Variants in DLG2 observed in about 807,000 individuals in gnomAD.
DLG2 encodes discs large MAGUK scaffold protein 2.
Under a neutral mutation model 132.5 loss-of-function variants are expected in DLG2, and 45 were observed. That is an observed-to-expected ratio of 0.34 (90% CI 0.27 to 0.44). DLG2 has a LOEUF of 0.44. DLG2 is among the 20% of genes least tolerant of loss of function. The pLI is 1.00. For synonymous variants in DLG2, 424 were observed against 419.6 expected, an observed-to-expected ratio of 1.01 and a Z score of -0.13; for missense variants, 1,045 against 1,196.9, an observed-to-expected ratio of 0.87 and a Z score of 1.87.
intron 6 of DLG2, among the ~76,000 whole-genome samples, chr11:84,830,081 A>G (rs2078835315): frequency 6.6e-6 from 1 of 151,622 alleles, no homozygotes; most frequent in Admixed American, 6.6e-5. Context: ...AACATTAATT[A>G]CTACCATGTA....
intron 3 of DLG2, among the ~76,000 whole-genome samples, chr11:85,501,906 T>C (rs990583667): frequency 2.0e-5 from 3 of 152,146 alleles, no homozygotes; most frequent in African/African-American, 7.2e-5. Flanking sequence ...GACCCATCAA[T>C]CCGATTACCA....
intron 3 of DLG2, among the ~76,000 whole-genome samples, chr11:85,420,996 AATAAAG>A (rs2090259825): frequency 6.6e-6 from 1 of 152,130 alleles, no homozygotes; most frequent in African/African-American, 2.4e-5. Flanking sequence ...AAAAAATAAA[AATAAAG>A]ATAAAATAAA....
chr11:85,248,826 A>C (rs1289727342), intron 4 of DLG2, among the ~76,000 whole-genome samples: 1 of 152,056 alleles, frequency 6.6e-6, no homozygotes, highest in Non-Finnish European at 1.5e-5. Flanking sequence ...TGGCCTCATG[A>C]AGGGCTTAAG....
chr11:83,790,769 G>T lies in DLG2; in HGVS notation c.1723-3977C>A. The stretch of plus-strand genomic sequence containing the variant: ...TCTCTGGGGCAACAACTAGGTTCTG[G>T]TCTGCCTGACTCTCATCTTCGGGGA... On this transcript the variant is annotated intron_variant, in intron 17 of 27. Transcript: ENST00000376104. The T allele has an allele frequency of 5.3e-6, 4 of 760,512 alleles. No individual in the cohort carries two copies. In the South Asian group the frequency reaches 5.7e-5, roughly 11 times the overall value. 47.1% of individuals were successfully genotyped at this position (760,512 alleles called of 1,614,324 possible).
intron 6 of DLG2, among the ~76,000 whole-genome samples, chr11:84,827,615 G>A (rs1321252281): frequency 4.3e-5 from 6 of 138,362 alleles, no homozygotes; most frequent in African/African-American, 8.2e-5. Context: ...CTTTGGGAAC[G>A]GTGGAAGTTG....
In DLG2 at chr11:83,943,280, AG is replaced by A. The variant is rs373030215; in HGVS notation, c.1341-12798del. Among the ~76,000 whole-genome samples, 41 of 152,326 alleles carry A rather than the reference AG, an allele frequency of 2.7e-4. No homozygotes were observed. The South Asian group carries it at 4.8e-3, about 18-fold the overall frequency. ...GTCAATTATACCTCAATAAAGCTGG[AG>A]GAAAAAACTATTTTTTCTTGTAACT... On this transcript the variant is annotated intron_variant, in intron 14 of 27. Transcript: ENST00000376104.
chr11:83,857,912 C>T (rs1307807119), intron 16 of DLG2, among the ~76,000 whole-genome samples: 1 of 151,400 alleles, frequency 6.6e-6, no homozygotes, highest in Non-Finnish European at 1.5e-5. Context: ...GCTCCTATGT[C>T]CTAAATACCT....
At chr11:84,173,077 T>C (rs943210300) in intron 8 of DLG2, among the ~76,000 whole-genome samples, 5 of 152,246 alleles carry the variant, frequency 3.3e-5, no homozygotes, top group African/African-American at 1.2e-4. Context: ...GGTTCTTATA[T>C]GCATAAAATA....
chr11:85,484,466 A>G (rs2093380278), intron 3 of DLG2, among the ~76,000 whole-genome samples: 1 of 151,200 alleles, frequency 6.6e-6, no homozygotes. Flanking sequence ...ACAAAGGGCT[A>G]ATATCCAGAA....
chr11:83,526,108 G>A (rs1266127865), intron 21 of DLG2, among the ~76,000 whole-genome samples: 1 of 152,134 alleles, frequency 6.6e-6, no homozygotes, highest in East Asian at 1.9e-4. Context: ...ACCTATCCCT[G>A]TAGCTTCTGC....
At chr11:84,401,036 T>C (rs2154446737) in intron 7 of DLG2, among the ~76,000 whole-genome samples, 1 of 152,280 alleles carries the variant, frequency 6.6e-6, no homozygotes, top group South Asian at 2.1e-4. Context: ...CATGGTTGAT[T>C]CCTTCATTTA....
intron 15 of DLG2, among the ~76,000 whole-genome samples, chr11:83,891,477 T>C (rs1333255307): frequency 6.6e-6 from 1 of 152,228 alleles, no homozygotes. Context: ...TGAGCGCTTT[T>C]AAGCAAAATT....
intron 3 of DLG2, among the ~76,000 whole-genome samples, chr11:85,313,674 A>G (rs976819664): frequency 6.6e-6 from 1 of 152,050 alleles, no homozygotes; most frequent in Non-Finnish European, 1.5e-5. Flanking sequence ...AATGTGAATG[A>G]ACCTATTTAT....
intron 11 of DLG2, among the ~76,000 whole-genome samples, chr11:84,031,981 G>T (rs972697685): frequency 2.3e-4 from 35 of 151,894 alleles, no homozygotes; most frequent in African/African-American, 8.2e-4. Flanking sequence ...CAATAGTTTT[G>T]GGGTGCCACA....
At chr11:83,533,323 T>C (rs1395700236) in intron 20 of DLG2, among the ~76,000 whole-genome samples, 1 of 152,218 alleles carries the variant, frequency 6.6e-6, no homozygotes, top group African/African-American at 2.4e-5. Flanking sequence ...TGCTACCTCA[T>C]TTATTCATTA....
chr11:84,127,487 G>A (rs889640376), intron 9 of DLG2, among the ~76,000 whole-genome samples: 11 of 152,194 alleles, frequency 7.2e-5, no homozygotes, highest in African/African-American at 2.4e-4. Flanking sequence ...GATTCCTTGT[G>A]AGGGCTATGA....
chr11:84,338,780 T>C (rs2098500437), intron 7 of DLG2, among the ~76,000 whole-genome samples: 1 of 152,134 alleles, frequency 6.6e-6, no homozygotes, highest in African/African-American at 2.4e-5. Flanking sequence ...CACTCCAGCC[T>C]GGGTGACAGA....
chr11:84,208,311 C>T (rs1300675337), intron 8 of DLG2, among the ~76,000 whole-genome samples: 1 of 151,672 alleles, frequency 6.6e-6, no homozygotes, highest in Non-Finnish European at 1.5e-5. Flanking sequence ...TTTCTGTGGG[C>T]CATGGTCACT....
chr11:84,121,804 GCCC>G (rs1197431085), intron 9 of DLG2, among the ~76,000 whole-genome samples: 3 of 151,220 alleles, frequency 2.0e-5, no homozygotes, highest in Admixed American at 2.0e-4. Context: ...CTTGTGATCT[GCCC>G]GCCTCAGCCT....
Sources: allele counts gnomAD v4.1 joint callset (sites outside exome capture counted in the v4.1 genomes callset), GRCh38; gene constraint gnomAD v4.1.1; transcripts MANE v1.5; gene names NCBI Gene and HGNC (gene_info 2026-07-23, HGNC 2026-07-21).